Variants in ELOVL2 observed in about 807,000 individuals in gnomAD.
ELOVL2 encodes ELOVL fatty acid elongase 2.
In ELOVL2, 38 loss-of-function variants were observed where a neutral mutation model predicts 37.7. The ratio of observed to expected loss-of-function variants is 1.01; its 90% CI spans 0.78 to 1.32. ELOVL2 has a LOEUF of 1.32. Ranked by LOEUF, ELOVL2 falls within the 40% of genes most tolerant of loss-of-function variation. ELOVL2 has a pLI of 0.00. For synonymous variants in ELOVL2, 115 were observed against 122.3 expected, an observed-to-expected ratio of 0.94 and a Z score of 0.40; for missense variants, 352 against 363.6, an observed-to-expected ratio of 0.97 and a Z score of 0.26.
intron 3 of ELOVL2, among the ~76,000 whole-genome samples, chr6:11,001,173 G>A (rs867026093): frequency 1.3e-5 from 2 of 152,220 alleles, no homozygotes; most frequent in South Asian, 2.1e-4. Flanking sequence ...GTTAGAGAGA[G>A]AGAGATTACT....
At chr6:10,995,626 T>TA (rs1782254322) in intron 4 of ELOVL2, among the ~76,000 whole-genome samples, 1 of 152,244 alleles carries the variant, frequency 6.6e-6, no homozygotes, top group South Asian at 2.1e-4. Context: ...GCATATTCTT[T>TA]AATATTCCTC....
At chr6:10,991,270 T>G (rs946395574) in intron 5 of ELOVL2, among the ~76,000 whole-genome samples, 1 of 152,238 alleles carries the variant, frequency 6.6e-6, no homozygotes, top group Non-Finnish European at 1.5e-5. Context: ...GAGGATTTCA[T>G]CAGTACATGA....
chr6:11,019,167 A>G (rs971011689), intron 1 of ELOVL2, among the ~76,000 whole-genome samples: 1 of 152,218 alleles, frequency 6.6e-6, no homozygotes, highest in Non-Finnish European at 1.5e-5. Flanking sequence ...GCTGAAATCA[A>G]GTCTTACATC....
chr6:10,991,449 T>G (rs1008926035), intron 5 of ELOVL2, among the ~76,000 whole-genome samples: 1 of 152,186 alleles, frequency 6.6e-6, no homozygotes, highest in African/African-American at 2.4e-5. Context: ...ATTTTTATTT[T>G]CTTACCTGGA....
chr6:11,038,514 A>G (rs1308841986), intron 1 of ELOVL2, among the ~76,000 whole-genome samples: 1 of 152,100 alleles, frequency 6.6e-6, no homozygotes, highest in East Asian at 1.9e-4. Flanking sequence ...AAATAAAAAT[A>G]AAATTACTCA....
intron 6 of ELOVL2, 94 bp from the exon 7 acceptor site, chr6:10,989,931 A>G (rs1782121847): frequency 7.0e-7 from 1 of 1,429,646 alleles, no homozygotes; most frequent in Non-Finnish European, 9.6e-7. Context: ...ATCAACTCCT[A>G]GGACTCTTGG....
At chr6:11,018,204 T>A (rs1207577948) in intron 1 of ELOVL2, among the ~76,000 whole-genome samples, 1 of 152,208 alleles carries the variant, frequency 6.6e-6, no homozygotes, top group Non-Finnish European at 1.5e-5. Flanking sequence ...CTTTTATAAG[T>A]CTATGATACA....
chr6:10,986,558 AGG>A (rs1252379865), intron 7 of ELOVL2, among the ~76,000 whole-genome samples: 1 of 152,060 alleles, frequency 6.6e-6, no homozygotes, highest in Non-Finnish European at 1.5e-5. Flanking sequence ...TTTAGCATGA[AGG>A]GTTGTTGAAT....
rs1781931417 is a variant in ELOVL2, at chr6:10,981,301, T to C, written c.*2480A>G. 1 of 152,682 alleles carries C rather than the reference T, an allele frequency of 6.5e-6. No homozygotes were observed. Among genetic ancestry groups the C allele is most frequent in the South Asian group, 2.1e-4 (1 of 4,836 alleles). 9.5% of individuals were successfully genotyped at this position (152,682 alleles called of 1,614,324 possible). Reference sequence around the variant, plus strand: ...TTTTTTTTAATAGATTATAGAAATATTAATTTTTCAATAGTTTTAGAAAAA... The same window carrying C: ...TTTTTTTTAATAGATTATAGAAATACTAATTTTTCAATAGTTTTAGAAAAA... On this transcript the variant is annotated 3_prime_UTR_variant, in exon 8 of 8. Coordinates refer to ENST00000354666, the MANE Select transcript of ELOVL2 (RefSeq NM_017770.4).
intron 1 of ELOVL2, among the ~76,000 whole-genome samples, chr6:11,012,006 G>GT: frequency 6.6e-6 from 1 of 152,186 alleles, no homozygotes; most frequent in South Asian, 2.1e-4. Context: ...AAAAAAAGTT[G>GT]TAAGTGCCAA....
At chr6:11,038,182 GTGAGGCTTCAGAA>G (rs1783043938) in intron 1 of ELOVL2, among the ~76,000 whole-genome samples, 2 of 152,236 alleles carry the variant, frequency 1.3e-5, no homozygotes, top group South Asian at 4.1e-4. Flanking sequence ...AAGTTTTTTT[GTGAGGCTTCAGAA>G]AGAGTTAAGG....
At chr6:11,003,569 G>A (rs1022887456) in intron 3 of ELOVL2, among the ~76,000 whole-genome samples, 11 of 152,130 alleles carry the variant, frequency 7.2e-5, no homozygotes, top group African/African-American at 2.7e-4. Flanking sequence ...TGGGCGTTTG[G>A]GTTGGTTCCA....
chr6:11,004,239 G>C (rs972445470), intron 3 of ELOVL2, among the ~76,000 whole-genome samples: 2 of 152,016 alleles, frequency 1.3e-5, no homozygotes, highest in Non-Finnish European at 2.9e-5. Flanking sequence ...ATAATGCATA[G>C]AATAAACTCT....
chr6:11,008,955 A>G (rs375363629), intron 2 of ELOVL2, among the ~76,000 whole-genome samples: 7 of 152,322 alleles, frequency 4.6e-5, no homozygotes, highest in African/African-American at 9.6e-5. Flanking sequence ...CACTCCTCCA[A>G]TAGGGCTGAG....
At chr6:10,992,277 A>G (rs974212718) in intron 5 of ELOVL2, among the ~76,000 whole-genome samples, 2 of 152,170 alleles carry the variant, frequency 1.3e-5, no homozygotes, top group African/African-American at 4.8e-5. Context: ...TTTCCCTAAT[A>G]TCATCTCTAC....
intron 2 of ELOVL2, among the ~76,000 whole-genome samples, chr6:11,007,738 C>G (rs1389599512): frequency 6.6e-6 from 1 of 152,126 alleles, no homozygotes; most frequent in African/African-American, 2.4e-5. Flanking sequence ...GTACATGCTC[C>G]AGGAGACAGC....
chr6:11,032,428 T>C (rs1280861562), intron 1 of ELOVL2, among the ~76,000 whole-genome samples: 1 of 152,152 alleles, frequency 6.6e-6, no homozygotes, highest in Non-Finnish European at 1.5e-5. Context: ...CTTAGCTTTT[T>C]CTACTCTATG....
chr6:11,025,786 T>C (rs565929360), intron 1 of ELOVL2, among the ~76,000 whole-genome samples: 1 of 152,350 alleles, frequency 6.6e-6, no homozygotes, highest in East Asian at 1.9e-4. Context: ...TTTATGACTT[T>C]AAAAATATTT....
chr6:10,993,646 T>C (rs9468191), intron 5 of ELOVL2, among the ~76,000 whole-genome samples: 5,255 of 152,170 alleles, frequency 0.035, 276 homozygotes, highest in African/African-American at 0.12. Flanking sequence ...TAAGAGTATA[T>C]TGCTTTGGTT....
Sources: allele counts gnomAD v4.1 joint callset (sites outside exome capture counted in the v4.1 genomes callset), GRCh38; gene constraint gnomAD v4.1.1; transcripts MANE v1.5; gene names NCBI Gene and HGNC (gene_info 2026-07-23, HGNC 2026-07-21).